Variants in PTPRZ1 observed in about 807,000 individuals in gnomAD.
PTPRZ1 encodes the protein protein tyrosine phosphatase receptor type Z1.
Under a neutral mutation model 214.1 loss-of-function variants are expected in PTPRZ1, and 82 were observed. The ratio of observed to expected loss-of-function variants is 0.38; its 90% CI spans 0.32 to 0.46. The LOEUF is 0.46. Ranked by LOEUF, PTPRZ1 falls within the 20% of genes least tolerant of loss-of-function variation. The pLI, the probability that PTPRZ1 is intolerant of heterozygous loss-of-function variation, is 1.00. For missense variants in PTPRZ1, 2,603 were observed against 2,748.7 expected (o/e 0.95, Z 1.19); for synonymous variants, 945 against 987.9 (o/e 0.96, Z 0.81).
chr7:121,926,166 G>T (rs756738497), intron 1 of PTPRZ1, among the ~76,000 whole-genome samples: 1 of 151,968 alleles, frequency 6.6e-6, no homozygotes, highest in Non-Finnish European at 1.5e-5. Flanking sequence ...TTAGCCAGGC[G>T]TGGTGGCATG....
At chr7:121,888,982 G>A (rs908718377) in intron 1 of PTPRZ1, among the ~76,000 whole-genome samples, 3 of 151,870 alleles carry the variant, frequency 2.0e-5, no homozygotes, top group African/African-American at 7.3e-5. Context: ...GGATAAATCA[G>A]GTTTTAAAAC....
At chr7:122,017,821 C>T (rs1798890046) in intron 12 of PTPRZ1, among the ~76,000 whole-genome samples, 1 of 152,028 alleles carries the variant, frequency 6.6e-6, no homozygotes, top group African/African-American at 2.4e-5. Flanking sequence ...ATCCGCCTGC[C>T]TCAGCCTCTC....
chr7:121,890,005 C>T (rs1280133753), intron 1 of PTPRZ1, among the ~76,000 whole-genome samples: 1 of 151,712 alleles, frequency 6.6e-6, no homozygotes, highest in Non-Finnish European at 1.5e-5. Flanking sequence ...CCTTCTCATC[C>T]CCCCAACTTC....
intron 15 of PTPRZ1, chr7:122,031,789 A>G (rs1224544297): frequency 7.5e-6 from 2 of 265,938 alleles, no homozygotes; most frequent in Non-Finnish European, 1.4e-5. Flanking sequence ...AACATAAAAA[A>G]CATTGTTCAT....
Position 122,061,178 on chromosome 7 carries a change from G to T in PTPRZ1, c.6906G>T (p.Leu2302Phe), listed in dbSNP as rs567205659. ...STSLDSNGAA[L>F]PDGNIAESLE... is the part of the protein sequence containing the mutation. ...CTCTGGACAGTAATGGTGCAGCATT[G>T]CCTGATGGAAATATAGCTGAGAGCT... is the stretch of plus-strand genomic sequence containing the variant. The change falls in exon 30 of 30, where the codon TTG becomes TTT. Residue 2302 changes from leucine (L) to phenylalanine (F), a missense_variant. Physicochemically the swap from Leu to Phe is conservative, Grantham distance 22. Around this residue, in one of 6 missense-constraint regions of PTPRZ1, gnomAD observed 165 missense variants for 151.4 expected, o/e 1.09. Transcript: ENST00000393386. The T allele has an allele frequency of 1.2e-5, 20 of 1,608,460 alleles. No homozygotes were observed. In the South Asian group the frequency reaches 2.1e-4, roughly 17 times the overall value.
At chr7:121,970,951 A>G (rs1341606904) in intron 3 of PTPRZ1, among the ~76,000 whole-genome samples, 1 of 152,140 alleles carries the variant, frequency 6.6e-6, no homozygotes, top group African/African-American at 2.4e-5. Flanking sequence ...ACATTTTAAT[A>G]TTTAATCCAT....
At chr7:122,042,980 G>T (rs1368181471) in intron 22 of PTPRZ1, among the ~76,000 whole-genome samples, 2 of 152,282 alleles carry the variant, frequency 1.3e-5, no homozygotes, top group East Asian at 3.9e-4. Context: ...TGCGTGGCTT[G>T]TGGCAGCACA....
chr7:121,893,925 G>T (rs10225696), intron 1 of PTPRZ1, among the ~76,000 whole-genome samples: 3 of 152,094 alleles, frequency 2.0e-5, no homozygotes, highest in African/African-American at 7.2e-5. Flanking sequence ...TCAGGGATAT[G>T]ACTGAGGAAG....
At chr7:121,875,459 G>A (rs1369404493) in intron 1 of PTPRZ1, among the ~76,000 whole-genome samples, 1 of 152,110 alleles carries the variant, frequency 6.6e-6, no homozygotes, top group Non-Finnish European at 1.5e-5. Flanking sequence ...GTTTTTCTCT[G>A]TAAAGCATTA....
intron 23 of PTPRZ1, among the ~76,000 whole-genome samples, chr7:122,047,808 C>T (rs1241156693): frequency 6.6e-6 from 1 of 151,978 alleles, no homozygotes; most frequent in Admixed American, 6.6e-5. Context: ...TACACAACCA[C>T]GCCTGGTTAA....
chr7:122,020,166 G>T (rs1381507635), intron 13 of PTPRZ1, among the ~76,000 whole-genome samples: 1 of 151,812 alleles, frequency 6.6e-6, no homozygotes, highest in African/African-American at 2.4e-5. Context: ...ATATATTCTC[G>T]TGTTTTTTTC....
Position 122,061,100 on chromosome 7 carries a change from C to T in PTPRZ1, c.6828C>T (p.Tyr2276=), listed in dbSNP as rs2150498655. Residue 2276 remains tyrosine, a synonymous_variant, in exon 30 of 30, where the codon TAC becomes TAT. Coordinates refer to ENST00000393386, the MANE Select transcript of PTPRZ1 (RefSeq NM_002851.3). ...TCTAGGAGCAGTATCAGTTTCTCTA[C>T]AAAGTGATCCTCAGCCTTGTGAGCA... ...FADIEQYQFL[Y]KVILSLVSTR... is the part of the protein sequence containing the mutation. 4 of 1,608,876 alleles carry T rather than the reference C, an allele frequency of 2.5e-6. No individual in the cohort carries two copies. The South Asian group carries it at 3.3e-5, about 13-fold the overall frequency.
rs1193252406 is a variant in PTPRZ1 at position 122,013,817 on chromosome 7, C to A, written c.4771C>A (p.Pro1591Thr). The A allele has an allele frequency of 5.0e-6, 8 of 1,614,096 alleles. No homozygotes were observed. The highest frequency in any genetic ancestry group is 1.7e-5 in the Admixed American group (1 of 60,012). ...GGCAGCAGGTGACTCAGAAATAACT[C>A]CTGGATTCCCACAGTCCCCAACATC... is the stretch of plus-strand genomic sequence containing the variant. Reference protein sequence around the residue: ...ILAAGDSEITPGFPQSPTSSV... With the variant: ...ILAAGDSEITTGFPQSPTSSV... Residue 1591 changes from proline to threonine, a missense_variant, in exon 12 of 30, where the codon CCT becomes ACT. This residue lies in a region of PTPRZ1 where 1,913 missense variants were observed against 1,914.3 expected (regional missense o/e 1.00). Transcript: ENST00000393386.
At chr7:121,905,932 G>A (rs549602742) in intron 1 of PTPRZ1, among the ~76,000 whole-genome samples, 1 of 152,230 alleles carries the variant, frequency 6.6e-6, no homozygotes, top group South Asian at 2.1e-4. Flanking sequence ...ATGATAGTGA[G>A]TACAAGTAGG....
intron 1 of PTPRZ1, among the ~76,000 whole-genome samples, chr7:121,896,399 G>A (rs539781144): frequency 6.6e-6 from 1 of 152,198 alleles, no homozygotes; most frequent in South Asian, 2.1e-4. Context: ...GCCTACTTTA[G>A]ATACTACAGC....
intron 1 of PTPRZ1, among the ~76,000 whole-genome samples, chr7:121,875,560 A>G (rs1794030110): frequency 6.6e-6 from 1 of 152,232 alleles, no homozygotes; most frequent in Non-Finnish European, 1.5e-5. Flanking sequence ...TAAAGAATTT[A>G]ATTAACTTTT....
At chr7:121,886,415 C>T (rs1226447947) in intron 1 of PTPRZ1, among the ~76,000 whole-genome samples, 3 of 151,330 alleles carry the variant, frequency 2.0e-5, no homozygotes, top group Non-Finnish European at 2.9e-5. Flanking sequence ...CAAACACATA[C>T]GTTAGTTCAT....
intron 12 of PTPRZ1, among the ~76,000 whole-genome samples, chr7:122,017,538 C>CATTTATTTATTT (rs3069214): frequency 0.12 from 16,422 of 140,022 alleles, 1,138 homozygotes; most frequent in African/African-American, 0.17. Context: ...TGATACATTA[C>CATTTATTTATTT]ATTTATTTAT....
chr7:121,944,544 A>G (rs572489092), intron 2 of PTPRZ1, among the ~76,000 whole-genome samples: 125 of 152,284 alleles, frequency 8.2e-4, no homozygotes, highest in Non-Finnish European at 1.4e-3. Flanking sequence ...TCTTTGCTTC[A>G]GTAGCTGTTT....
Sources: gnomAD v4.1 joint callset for allele counts (sites outside exome capture counted in the v4.1 genomes callset) on GRCh38, gnomAD v4.1.1 for gene constraint, gnomAD v4.1.1 regional missense constraint, MANE v1.5 for transcripts, NCBI Gene and HGNC (gene_info 2026-07-23, HGNC 2026-07-21) for gene names.